The following PDE4D variants were observed in gnomAD, a reference collection of about 807,000 sequenced individuals.
PDE4D encodes the protein 3',5'-cyclic-AMP phosphodiesterase 4D.
In PDE4D, 24 loss-of-function variants were observed where a neutral mutation model predicts 87.4. That is an observed-to-expected ratio of 0.27 (90% CI 0.20 to 0.39). PDE4D has a LOEUF of 0.39. Among genes scored for constraint, PDE4D ranks in the 10% least tolerant of loss-of-function variants. The pLI is 1.00. For synonymous variants in PDE4D, 384 were observed against 383.2 expected, an observed-to-expected ratio of 1.00 and a Z score of -0.02; for missense variants, 714 against 1,041.0, an observed-to-expected ratio of 0.69 and a Z score of 4.32.
chr5:59,569,536 A>T (rs1450985498), intron 1 of PDE4D, among the ~76,000 whole-genome samples: 1 of 152,222 alleles, frequency 6.6e-6, no homozygotes, highest in Non-Finnish European at 1.5e-5. Context: ...CAAACAACGC[A>T]TGTTTGTCCA....
intron 6 of PDE4D, among the ~76,000 whole-genome samples, chr5:59,013,393 T>C (rs1753247608): frequency 6.6e-6 from 1 of 152,042 alleles, no homozygotes; most frequent in Non-Finnish European, 1.5e-5. Context: ...ACAAAATTGA[T>C]AGACCACTAG....
rs564347830 is a variant in PDE4D, at chr5:59,787,667, T to C, written c.455+105501A>G. Among the ~76,000 whole-genome samples the C allele has an allele frequency of 2.0e-5, 3 of 152,320 alleles. No homozygotes were observed. The East Asian group carries it at 5.8e-4, about 29-fold the overall frequency. ...ATAATTCTATATTTTTATGATTTAT[T>C]TTTAATGAGGAGCTTTTGAAGTGAT... On this transcript the variant is annotated intron_variant, in intron 1 of 14. Transcript: ENST00000340635.
chr5:60,186,611 G>T (rs1784803028), intron 1 of PDE4D, among the ~76,000 whole-genome samples: 1 of 152,022 alleles, frequency 6.6e-6, no homozygotes, highest in South Asian at 2.1e-4. Flanking sequence ...CTCTGATATT[G>T]CAGGTTTAGG....
At chr5:59,743,662 T>A (rs1759180186) in intron 1 of PDE4D, among the ~76,000 whole-genome samples, 1 of 152,116 alleles carries the variant, frequency 6.6e-6, no homozygotes, top group Non-Finnish European at 1.5e-5. Flanking sequence ...AAGACACACT[T>A]AGATATATAT....
chr5:59,998,101 G>A (rs924380515), intron 2 of PDE4D, among the ~76,000 whole-genome samples: 8 of 152,156 alleles, frequency 5.3e-5, no homozygotes, highest in East Asian at 1.9e-4. Context: ...TAGCCACCTC[G>A]TCTTTTAAGA....
chr5:60,144,627 TTCTA>T (rs1780841815), intron 2 of PDE4D, among the ~76,000 whole-genome samples: 1 of 152,230 alleles, frequency 6.6e-6, no homozygotes, highest in Non-Finnish European at 1.5e-5. Flanking sequence ...CCAAGTAGAA[TTCTA>T]TCTATTTCTC....
rs114209928 is a variant in PDE4D, at chr5:59,724,121, G to C, written c.455+169047C>G. ...TAGGACCTATTTGAAGACTCTTCTAGAGTCAGGTGTTGGTTGAGGTTCACA... is the reference window on the plus strand; with the variant it reads ...TAGGACCTATTTGAAGACTCTTCTACAGTCAGGTGTTGGTTGAGGTTCACA... On this transcript the variant is annotated intron_variant, in intron 1 of 14. Coordinates refer to ENST00000340635, the MANE Select transcript of PDE4D (RefSeq NM_001104631.2). Among the ~76,000 whole-genome samples the C allele has an allele frequency of 4.0e-3, 615 of 152,200 alleles. 5 individuals carry two copies. Among genetic ancestry groups the C allele is most frequent in the African/African-American group, 0.014 (596 of 41,556 alleles).
At position 59,399,899 on chromosome 5, in the gene PDE4D, A is replaced by T. The variant is rs1447317282; in HGVS notation, c.456-183931T>A. Reference sequence around the variant, plus strand: ...ACAAATTTACAAGAAAAAAACAAATAACCCCATCAAAAAGTGGGCGAAGGA... The same window carrying T: ...ACAAATTTACAAGAAAAAAACAAATTACCCCATCAAAAAGTGGGCGAAGGA... On this transcript the variant is annotated intron_variant, in intron 1 of 14. Transcript: ENST00000340635. Among the ~76,000 whole-genome samples, 8 of 113,338 alleles carry T rather than the reference A, an allele frequency of 7.1e-5. 3 individuals are homozygous for T. The highest frequency in any genetic ancestry group is 1.3e-4 in the Non-Finnish European group (7 of 54,730). 74.4% of individuals were successfully genotyped at this position (113,338 alleles called of 152,430 possible). A position where few individuals can be genotyped will look rare whatever the true frequency, so the allele number is the denominator to read the frequency against.
chr5:59,115,193 T>C lies in PDE4D; in HGVS notation c.808+65402A>G, dbSNP rs191148944. On this transcript the variant is annotated intron_variant, in intron 5 of 14. Transcript: ENST00000340635. ...ATCTTACCATAATATAGAAGAGCAA[T>C]ACAGATTGAGCAAAATATAATTTTG... Among the ~76,000 whole-genome samples, 52 of 152,176 alleles carry C rather than the reference T, an allele frequency of 3.4e-4. No individual in the cohort carries two copies. In the East Asian group the frequency reaches 9.9e-3, roughly 29 times the overall value.
intron 5 of PDE4D, among the ~76,000 whole-genome samples, chr5:59,063,975 A>T (rs900348509): frequency 2.6e-5 from 4 of 152,178 alleles, no homozygotes; most frequent in Non-Finnish European, 5.9e-5. Context: ...ATTCCAAGGT[A>T]ACTACAAGGA....
chr5:59,681,709 G>A (rs1749036790), intron 1 of PDE4D, among the ~76,000 whole-genome samples: 1 of 151,916 alleles, frequency 6.6e-6, no homozygotes, highest in Non-Finnish European at 1.5e-5. Flanking sequence ...GACCGTCCTG[G>A]CTAACACGGT....
chr5:59,550,702 A>ATTTTTT (rs199730901), intron 1 of PDE4D, among the ~76,000 whole-genome samples: 1 of 146,258 alleles, frequency 6.8e-6, no homozygotes, highest in African/African-American at 2.5e-5. Context: ...ATTTCTAAGA[A>ATTTTTT]TTTTTTTTTT....
chr5:60,328,794 G>A (rs1221248047), intron 1 of PDE4D, among the ~76,000 whole-genome samples: 3 of 152,128 alleles, frequency 2.0e-5, no homozygotes, highest in Admixed American at 6.5e-5. Flanking sequence ...TTGAACTAAG[G>A]GCACTTGAAT....
chr5:59,631,708 A>G (rs1342698457), intron 1 of PDE4D, among the ~76,000 whole-genome samples: 1 of 152,132 alleles, frequency 6.6e-6, no homozygotes, highest in Non-Finnish European at 1.5e-5. Context: ...GAACGAAGCT[A>G]CCCAGCCCAG....
At chr5:60,460,240 G>C (rs745555797) in intron 1 of PDE4D, 59 of 1,259,704 alleles carry the variant, frequency 4.7e-5, no homozygotes, top group Non-Finnish European at 6.9e-5. Flanking sequence ...CATTTCAGTG[G>C]ACTTTGAAGA....
chr5:59,810,179 G>A (rs1768188459), intron 1 of PDE4D, among the ~76,000 whole-genome samples: 2 of 152,182 alleles, frequency 1.3e-5, no homozygotes, highest in African/African-American at 4.8e-5. Flanking sequence ...AAAACGTGGC[G>A]TGGGAAAACC....
chr5:59,808,200 C>A (rs1467076322), intron 1 of PDE4D, among the ~76,000 whole-genome samples: 1 of 152,190 alleles, frequency 6.6e-6, no homozygotes, highest in Non-Finnish European at 1.5e-5. Flanking sequence ...GGCTTCCAGT[C>A]TGATTTTCCT....
intron 1 of PDE4D, among the ~76,000 whole-genome samples, chr5:59,738,208 G>A (rs1327846708): frequency 1.3e-5 from 2 of 151,980 alleles, no homozygotes; most frequent in African/African-American, 2.4e-5. Flanking sequence ...AGTAATACAC[G>A]CAATGCTGAG....
At chr5:59,017,371 A>G (rs893326835) in intron 6 of PDE4D, among the ~76,000 whole-genome samples, 2 of 152,222 alleles carry the variant, frequency 1.3e-5, no homozygotes, top group African/African-American at 4.8e-5. Flanking sequence ...GGGATGATCA[A>G]TGTCTAGGAT....
Sources: allele counts gnomAD v4.1 joint callset (sites outside exome capture counted in the v4.1 genomes callset), GRCh38; gene constraint gnomAD v4.1.1; transcripts MANE v1.5; gene names NCBI Gene and HGNC (gene_info 2026-07-23, HGNC 2026-07-21).